RALGAPA1: variants seen among roughly 807,000 people sequenced by gnomAD.
RALGAPA1 encodes Ral GTPase activating protein catalytic subunit alpha 1.
RALGAPA1 carries 52 observed loss-of-function variants against 269.6 expected under a neutral mutation model. That is an observed-to-expected ratio of 0.19 (90% CI 0.15 to 0.24). The LOEUF (loss-of-function observed/expected upper bound fraction) is 0.24. RALGAPA1 is among the 10% of genes least tolerant of loss of function. The probability of loss-of-function intolerance (pLI) is 1.00; values close to 1 mark genes in which losing one functional copy is unlikely to be tolerated. For missense variants in RALGAPA1, 1,917 were observed against 3,013.9 expected, an observed-to-expected ratio of 0.64 and a Z score of 8.52; for synonymous variants, 817 against 1,008.3, an observed-to-expected ratio of 0.81 and a Z score of 3.60.
chr14:35,561,104 G>A (rs2056175180), intron 39 of RALGAPA1, among the ~76,000 whole-genome samples: 1 of 151,574 alleles, frequency 6.6e-6, no homozygotes, highest in Non-Finnish European at 1.5e-5. Context: ...GCAGGCACCT[G>A]TAATCCCAGC....
At chr14:35,738,139 G>A (rs1030368425) in intron 12 of RALGAPA1, among the ~76,000 whole-genome samples, 1 of 150,574 alleles carries the variant, frequency 6.6e-6, no homozygotes. Context: ...GTGAAAAACT[G>A]GAAACAAAAG....
At chr14:35,737,652 G>C (rs2071126602) in intron 12 of RALGAPA1, among the ~76,000 whole-genome samples, 1 of 149,638 alleles carries the variant, frequency 6.7e-6, no homozygotes, top group Non-Finnish European at 1.5e-5. Flanking sequence ...CCAGCTTCTT[G>C]GGAGGCTGAG....
At chr14:35,664,568 A>G in intron 27 of RALGAPA1, 74 bp downstream of exon 27, 1 of 1,211,346 alleles carries the variant, frequency 8.3e-7, no homozygotes, top group Non-Finnish European at 1.2e-6. Context: ...AAAAGAAAGA[A>G]TACAAATTTT....
chr14:35,566,468 G>A (rs540716134), intron 39 of RALGAPA1, among the ~76,000 whole-genome samples: 6 of 152,186 alleles, frequency 3.9e-5, no homozygotes, highest in African/African-American at 1.4e-4. Flanking sequence ...AACTGACACA[G>A]CAGTACAATT....
In RALGAPA1 at chr14:35,721,805, A is replaced by C; in HGVS notation, c.2149T>G (p.Ser717Ala). Residue 717 changes from serine (S) to alanine (A), a missense_variant, in exon 16 of 42, where the codon TCT becomes GCT. Ser to Ala is a moderately conservative substitution (Grantham distance 99). This residue lies in a region of RALGAPA1 where 125 missense variants were observed against 155.7 expected (regional missense o/e 0.80). Transcript: ENST00000680220. ...FQKVSVDKSF[S>A]RGWSRDQPGQ... ...GGCTGATCACGACTCCATCCTCTAG[A>C]AAATGACTTGTCAACTGAAACTTTC... 1 of 1,613,630 alleles carries C rather than the reference A, an allele frequency of 6.2e-7. No individual in the cohort carries two copies. Among genetic ancestry groups the C allele is most frequent in the Non-Finnish European group, 8.5e-7 (1 of 1,179,592 alleles).
chr14:35,756,607 T>C (rs2073200637), intron 7 of RALGAPA1, 186 bp downstream of exon 7: 3 of 381,302 alleles, frequency 7.9e-6, no homozygotes, highest in Non-Finnish European at 9.6e-6. Flanking sequence ...ACTTGGTTGA[T>C]TACACTTGTA....
chr14:35,700,165 A>C lies in RALGAPA1; in HGVS notation c.2404T>G (p.Ser802Ala), dbSNP rs2067227661. 1 of 1,530,038 alleles carries C rather than the reference A, an allele frequency of 6.5e-7. No homozygotes were observed. The highest frequency in any genetic ancestry group is 8.7e-7 in the Non-Finnish European group (1 of 1,145,410). 94.8% of individuals were successfully genotyped at this position (1,530,038 alleles called of 1,614,324 possible). ...IVLTPLSDEL[S>A]DIDDAQILPR... is the part of the protein sequence containing the mutation. ...AAATTAGCAGAGGTGGCACTACCTG[A>C]AAGCTCATCAGAAAGGGGAGTGAGA... Residue 802 changes from serine to alanine, a missense_variant, in exon 17 of 42, where the codon TCA becomes GCA. Physicochemically the swap from Ser to Ala is moderately conservative, Grantham distance 99. Around this residue, in one of 11 missense-constraint regions of RALGAPA1, gnomAD observed 125 missense variants for 155.7 expected, o/e 0.80. Coordinates refer to ENST00000680220, the MANE Select transcript of RALGAPA1 (RefSeq NM_001346249.2).
At chr14:35,628,043 T>C in intron 33 of RALGAPA1, 92 bp from the exon 34 acceptor site, 2 of 1,333,524 alleles carry the variant, frequency 1.5e-6, no homozygotes, top group Non-Finnish European at 2.0e-6. Flanking sequence ...AGGGATTTTA[T>C]CACATTGTTA....
intron 28 of RALGAPA1, among the ~76,000 whole-genome samples, chr14:35,657,902 T>C (rs2063304997): frequency 1.3e-5 from 2 of 152,086 alleles, no homozygotes; most frequent in Admixed American, 1.3e-4. Context: ...ATTATACCTG[T>C]CTCATAGAGG....
intron 17 of RALGAPA1, among the ~76,000 whole-genome samples, chr14:35,698,632 A>T (rs2067092184): frequency 6.6e-6 from 1 of 152,168 alleles, no homozygotes; most frequent in African/African-American, 2.4e-5. Context: ...TTTTCTAAAC[A>T]TGTCAAGAAT....
intron 1 of RALGAPA1, among the ~76,000 whole-genome samples, chr14:35,807,374 C>G (rs989051812): frequency 6.6e-6 from 1 of 152,188 alleles, no homozygotes; most frequent in African/African-American, 2.4e-5. Flanking sequence ...TTTACATTTT[C>G]TTGAAAACTG....
At chr14:35,737,490 C>T (rs2141106590) in intron 12 of RALGAPA1, among the ~76,000 whole-genome samples, 1 of 152,128 alleles carries the variant, frequency 6.6e-6, no homozygotes, top group South Asian at 2.1e-4. Context: ...GGCGTGGTGG[C>T]TCATGCCTAT....
chr14:35,664,481 C>T (rs1198061134), intron 27 of RALGAPA1, among the ~76,000 whole-genome samples, 161 bp downstream of exon 27: 3 of 152,154 alleles, frequency 2.0e-5, no homozygotes, highest in African/African-American at 4.8e-5. Flanking sequence ...AAAGGATATG[C>T]TCCAAATGAA....
intron 37 of RALGAPA1, among the ~76,000 whole-genome samples, chr14:35,576,386 T>C (rs2057560102): frequency 6.6e-6 from 1 of 152,254 alleles, no homozygotes; most frequent in Admixed American, 6.5e-5. Context: ...AGGGATTTCA[T>C]AATTTTCCCT....
At chr14:35,667,499 C>A (rs2064043602) in intron 26 of RALGAPA1, among the ~76,000 whole-genome samples, 1 of 152,196 alleles carries the variant, frequency 6.6e-6, no homozygotes, top group Non-Finnish European at 1.5e-5. Flanking sequence ...TAAAGCAGTG[C>A]TTCTCAATCT....
chr14:35,645,460 A>G (rs1379324644), intron 31 of RALGAPA1, among the ~76,000 whole-genome samples: 1 of 151,314 alleles, frequency 6.6e-6, no homozygotes, highest in Non-Finnish European at 1.5e-5. Context: ...GCCGGGCGCA[A>G]TGGCTCACGC....
intron 35 of RALGAPA1, 128 bp from the exon 36 acceptor site, chr14:35,605,837 CAGA>C (rs918085535): frequency 1.5e-4 from 160 of 1,066,938 alleles, no homozygotes; most frequent in Non-Finnish European, 1.9e-4. Context: ...TTATAGTCTA[CAGA>C]AGGAGATATA....
chr14:35,667,951 AC>A (rs1301288042), intron 26 of RALGAPA1, among the ~76,000 whole-genome samples: 1 of 152,246 alleles, frequency 6.6e-6, no homozygotes, highest in African/African-American at 2.4e-5. Context: ...TGGTACTTAT[AC>A]ACAATGAAAC....
chr14:35,770,893 A>G (rs1299378415), intron 4 of RALGAPA1, 49 bp downstream of exon 4: 2 of 688,746 alleles, frequency 2.9e-6, no homozygotes, highest in Non-Finnish European at 4.6e-6. Flanking sequence ...AACATTTTTC[A>G]TATATTATCC....
Sources: allele counts gnomAD v4.1 joint callset (sites outside exome capture counted in the v4.1 genomes callset), GRCh38; gene constraint gnomAD v4.1.1; regional missense constraint gnomAD v4.1.1; transcripts MANE v1.5; gene names NCBI Gene and HGNC (gene_info 2026-07-23, HGNC 2026-07-21).